Variants in GRID2 observed in about 807,000 individuals in gnomAD.
The protein encoded by GRID2 is glutamate receptor ionotropic, delta-2.
GRID2 carries 33 observed loss-of-function variants against 114.8 expected under a neutral mutation model. That is an observed-to-expected ratio of 0.29 (90% CI 0.22 to 0.38). The LOEUF (loss-of-function observed/expected upper bound fraction) is 0.38. Ranked by LOEUF, GRID2 falls within the 10% of genes least tolerant of loss-of-function variation. The pLI, the probability that GRID2 is intolerant of heterozygous loss-of-function variation, is 1.00. For missense variants in GRID2, 1,184 were observed against 1,257.7 expected, an observed-to-expected ratio of 0.94 and a Z score of 0.89; for synonymous variants, 505 against 449.9, an observed-to-expected ratio of 1.12 and a Z score of -1.55.
chr4:93,732,577 T>C (rs905365063), intron 14 of GRID2, among the ~76,000 whole-genome samples: 19 of 152,160 alleles, frequency 1.2e-4, no homozygotes, highest in Non-Finnish European at 1.5e-5. Flanking sequence ...GACTTTATTG[T>C]TGAATTTTTT....
At chr4:93,365,581 C>T (rs563209991) in intron 8 of GRID2, among the ~76,000 whole-genome samples, 20 of 152,220 alleles carry the variant, frequency 1.3e-4, no homozygotes, top group African/African-American at 3.9e-4. Context: ...CATAACCTTA[C>T]GGTGGTTTCT....
chr4:93,769,106 T>A, intron 14 of GRID2, 104 bp from the exon 15 acceptor site: 1 of 1,097,042 alleles, frequency 9.1e-7, no homozygotes, highest in Non-Finnish European at 1.4e-6. Flanking sequence ...TCATTTCCCT[T>A]TGACAGCCAC....
At chr4:92,323,628 T>G (rs966686386) in intron 1 of GRID2, among the ~76,000 whole-genome samples, 1 of 152,076 alleles carries the variant, frequency 6.6e-6, no homozygotes, top group Non-Finnish European at 1.5e-5. Context: ...TGTGGTCTTA[T>G]CACTTTCTAT....
intron 8 of GRID2, among the ~76,000 whole-genome samples, chr4:93,360,570 TATTA>T (rs1316960373): frequency 6.6e-6 from 1 of 151,910 alleles, no homozygotes. Context: ...ATATATCTGT[TATTA>T]ATTTCTAGTA....
rs75746301 is a variant in GRID2 at position 92,629,325 on chromosome 4, G to T, written c.244+39039G>T. 1.8e-3 allele frequency among the ~76,000 whole-genome samples: 281 copies of T among 152,108 alleles called. 5 individuals are homozygous for T. In the East Asian group the frequency reaches 0.034, roughly 18 times the overall value. On this transcript the variant is annotated intron_variant, in intron 2 of 15. Transcript: ENST00000282020. The stretch of plus-strand genomic sequence containing the variant: ...TATTATTTTGGAATGTTAATAAATA[G>T]TACCATGGTATCAGGTGCTCCATCT...
At chr4:92,309,367 T>G (rs188679414) in intron 1 of GRID2, among the ~76,000 whole-genome samples, 1 of 152,148 alleles carries the variant, frequency 6.6e-6, no homozygotes, top group Non-Finnish European at 1.5e-5. Flanking sequence ...TTCACATTTC[T>G]ATTGGATCAT....
intron 4 of GRID2, among the ~76,000 whole-genome samples, chr4:93,141,532 G>A (rs1194240556): frequency 6.6e-6 from 1 of 151,910 alleles, no homozygotes; most frequent in African/African-American, 2.4e-5. Flanking sequence ...GAAAACTAAG[G>A]TATACAGGGT....
At chr4:93,023,180 AC>A (rs1309080144) in intron 2 of GRID2, among the ~76,000 whole-genome samples, 1 of 150,792 alleles carries the variant, frequency 6.6e-6, no homozygotes, top group Non-Finnish European at 1.5e-5. Context: ...TTGGATAATA[AC>A]TATTAGTTAA....
intron 13 of GRID2, among the ~76,000 whole-genome samples, chr4:93,593,666 A>T (rs903980923): frequency 9.2e-5 from 14 of 151,676 alleles, no homozygotes; most frequent in African/African-American, 3.4e-4. Flanking sequence ...ACTTGGTTCC[A>T]TTCTCCCCAT....
intron 1 of GRID2, among the ~76,000 whole-genome samples, chr4:92,321,735 A>G (rs1726325898): frequency 6.6e-6 from 1 of 152,192 alleles, no homozygotes; most frequent in Non-Finnish European, 1.5e-5. Context: ...CATAACTTGA[A>G]TGAGTTGACC....
chr4:93,255,155 A>G (rs938111403), intron 8 of GRID2, among the ~76,000 whole-genome samples: 2 of 152,096 alleles, frequency 1.3e-5, no homozygotes, highest in African/African-American at 4.8e-5. Context: ...ATTCATATAC[A>G]TACTAATGTT....
At chr4:93,425,998 T>A (rs1330086538) in intron 10 of GRID2, among the ~76,000 whole-genome samples, 1 of 152,170 alleles carries the variant, frequency 6.6e-6, no homozygotes, top group African/African-American at 2.4e-5. Flanking sequence ...AGCTAGTACA[T>A]CATTGCTAGA....
intron 2 of GRID2, among the ~76,000 whole-genome samples, chr4:93,024,709 G>A (rs1340057924): frequency 6.6e-6 from 1 of 151,746 alleles, no homozygotes; most frequent in Non-Finnish European, 1.5e-5. Flanking sequence ...ATTGTTGTAT[G>A]TAAACTAAAT....
intron 1 of GRID2, among the ~76,000 whole-genome samples, chr4:92,452,734 G>A (rs1033501503): frequency 1.1e-4 from 16 of 151,456 alleles, no homozygotes; most frequent in Admixed American, 1.3e-4. Context: ...GTATTTGGAA[G>A]TACTTAATAA....
At chr4:93,016,131 A>G (rs1376952003) in intron 2 of GRID2, among the ~76,000 whole-genome samples, 2 of 151,752 alleles carry the variant, frequency 1.3e-5, no homozygotes, top group Non-Finnish European at 2.9e-5. Context: ...AGGCTTGAGC[A>G]TACTAGCATG....
chr4:92,865,449 G>A (rs1560650892), intron 2 of GRID2, among the ~76,000 whole-genome samples: 1 of 152,174 alleles, frequency 6.6e-6, no homozygotes, highest in Non-Finnish European at 1.5e-5. Flanking sequence ...ATTCCTGAAG[G>A]AAAAATGTGA....
intron 4 of GRID2, among the ~76,000 whole-genome samples, chr4:93,131,373 C>T (rs1214747714): frequency 6.6e-6 from 1 of 151,348 alleles, no homozygotes; most frequent in Non-Finnish European, 1.5e-5. Flanking sequence ...AGGATGGTCT[C>T]GATATCTTGA....
At chr4:93,506,588 T>C (rs1441863943) in intron 12 of GRID2, among the ~76,000 whole-genome samples, 2 of 151,700 alleles carry the variant, frequency 1.3e-5, no homozygotes. Flanking sequence ...AGGACAGGAG[T>C]GGGGAAAGGG....
At chr4:93,105,448 G>C (rs548562372) in intron 3 of GRID2, among the ~76,000 whole-genome samples, 1 of 152,064 alleles carries the variant, frequency 6.6e-6, no homozygotes, top group Non-Finnish European at 1.5e-5. Flanking sequence ...TAGGTCTAAC[G>C]TTTAAGTCTT....
Sources: allele counts gnomAD v4.1 joint callset (sites outside exome capture counted in the v4.1 genomes callset), GRCh38; gene constraint gnomAD v4.1.1; transcripts MANE v1.5; gene names NCBI Gene and HGNC (gene_info 2026-07-23, HGNC 2026-07-21).